Variants in XRCC4 observed in about 807,000 individuals in gnomAD.
XRCC4 encodes X-ray repair cross complementing 4, also known as DNA repair protein XRCC4.
XRCC4 carries 28 observed loss-of-function variants against 39.1 expected under a neutral mutation model. The ratio of observed to expected loss-of-function variants is 0.72; its 90% CI spans 0.53 to 0.98. The LOEUF is 0.98. Ranked by LOEUF, XRCC4 falls within the 50% of genes least tolerant of loss-of-function variation. The probability of loss-of-function intolerance (pLI) is 0.00; values close to 1 mark genes in which losing one functional copy is unlikely to be tolerated. For synonymous variants in XRCC4, 123 were observed against 126.4 expected (o/e 0.97, Z 0.18); for missense variants, 350 against 376.4 (o/e 0.93, Z 0.58).
chr5:83,184,905 A>C (rs1750367821), intron 3 of XRCC4, among the ~76,000 whole-genome samples: 1 of 152,054 alleles, frequency 6.6e-6, no homozygotes, highest in African/African-American at 2.4e-5. Flanking sequence ...AAAACCCTTC[A>C]CCAGTCATCT....
At chr5:83,357,849 A>AT (rs1346841309), downstream of XRCC4, among the ~76,000 whole-genome samples, 2 of 152,206 alleles carry the variant, frequency 1.3e-5, no homozygotes, top group Non-Finnish European at 2.9e-5. Context: ...TTGCCTTTTC[A>AT]TGTCTCTGTC....
chr5:83,204,896 A>G lies in XRCC4; in HGVS notation c.720A>G (p.Gln240=). The part of the protein sequence containing the change: ...DESTDEESEN[Q]TDLSGLASAA... ...GTACTGATGAGGAAAGTGAAAACCAAACTGATCTCTCTGGGTTGGCTTCAG... is the reference window on the plus strand; with the variant it reads ...GTACTGATGAGGAAAGTGAAAACCAGACTGATCTCTCTGGGTTGGCTTCAG... Residue 240 remains glutamine, a synonymous_variant, in exon 6 of 8, where the codon CAA becomes CAG. Transcript: ENST00000396027. The G allele has an allele frequency of 6.2e-7, 1 of 1,612,146 alleles. No individual in the cohort carries two copies. Among genetic ancestry groups the G allele is most frequent in the Non-Finnish European group, 8.5e-7 (1 of 1,178,624 alleles).
At chr5:83,299,178 G>A (rs1300111530) in intron 7 of XRCC4, among the ~76,000 whole-genome samples, 1 of 151,812 alleles carries the variant, frequency 6.6e-6, no homozygotes, top group Non-Finnish European at 1.5e-5. Context: ...TTTGATTTTT[G>A]GAAAAAATTC....
chr5:83,271,070 C>T (rs1754131333), intron 7 of XRCC4, among the ~76,000 whole-genome samples: 1 of 152,120 alleles, frequency 6.6e-6, no homozygotes, highest in South Asian at 2.1e-4. Context: ...CTTTCACAGG[C>T]ACCATGAACC....
At chr5:83,086,298 C>T (rs1318352525) in intron 1 of XRCC4, among the ~76,000 whole-genome samples, 1 of 152,182 alleles carries the variant, frequency 6.6e-6, no homozygotes, top group African/African-American at 2.4e-5. Context: ...CCATGTATAA[C>T]TTTTGGCTCC....
intron 6 of XRCC4, among the ~76,000 whole-genome samples, chr5:83,234,651 T>G (rs942826209): frequency 6.6e-6 from 1 of 152,180 alleles, no homozygotes; most frequent in African/African-American, 2.4e-5. Flanking sequence ...AGGAAACTTA[T>G]GCTGGTTATG....
At chr5:83,086,656 C>T (rs1466596690) in intron 1 of XRCC4, among the ~76,000 whole-genome samples, 4 of 152,058 alleles carry the variant, frequency 2.6e-5, no homozygotes, top group Non-Finnish European at 5.9e-5. Context: ...GAGAGGTGGA[C>T]ACAGTTGGTG....
intron 7 of XRCC4, among the ~76,000 whole-genome samples, chr5:83,269,084 A>G (rs971485886): frequency 6.6e-6 from 1 of 152,196 alleles, no homozygotes; most frequent in African/African-American, 2.4e-5. Flanking sequence ...CTGAATAATA[A>G]GATGGTCTTT....
intron 6 of XRCC4, among the ~76,000 whole-genome samples, chr5:83,252,958 A>G (rs1021605632): frequency 6.6e-6 from 1 of 152,228 alleles, no homozygotes; most frequent in Non-Finnish European, 1.5e-5. Context: ...TGGAGAAACA[A>G]GAGATAAACA....
At chr5:83,131,132 T>G (rs533320353) in intron 3 of XRCC4, among the ~76,000 whole-genome samples, 3 of 152,252 alleles carry the variant, frequency 2.0e-5, no homozygotes, top group South Asian at 2.1e-4. Context: ...CCTCTACACA[T>G]TACTTTAAAT....
chr5:83,337,435 A>G (rs1258682092), intron 7 of XRCC4, among the ~76,000 whole-genome samples: 2 of 152,130 alleles, frequency 1.3e-5, no homozygotes, highest in Admixed American at 1.3e-4. Flanking sequence ...AGAAAGGGCA[A>G]CTTTGTGCTT....
intron 6 of XRCC4, among the ~76,000 whole-genome samples, chr5:83,214,064 A>G (rs1257660250): frequency 1.3e-5 from 2 of 152,192 alleles, no homozygotes; most frequent in Admixed American, 6.5e-5. Context: ...TCCTTAACCT[A>G]ATAAAGGCAT....
intron 3 of XRCC4, among the ~76,000 whole-genome samples, chr5:83,121,761 A>G (rs554860498): frequency 6.6e-6 from 1 of 152,226 alleles, no homozygotes; most frequent in East Asian, 1.9e-4. Flanking sequence ...ATCACTTCTA[A>G]TGCATTTTTG....
At chr5:83,270,783 ATATG>A (rs200468208) in intron 7 of XRCC4, among the ~76,000 whole-genome samples, 14 of 68,650 alleles carry the variant, frequency 2.0e-4, no homozygotes, top group African/African-American at 9.8e-4. Context: ...ATACATATAT[ATATG>A]TATATATTTT....
At chr5:83,108,649 T>TAGATG (rs1746308654) in intron 2 of XRCC4, among the ~76,000 whole-genome samples, 1 of 151,850 alleles carries the variant, frequency 6.6e-6, no homozygotes, top group Non-Finnish European at 1.5e-5. Context: ...GCTTTTTAAA[T>TAGATG]AGATGTTCTC....
chr5:83,324,439 T>C (rs969645147), intron 7 of XRCC4, among the ~76,000 whole-genome samples: 34 of 152,250 alleles, frequency 2.2e-4, no homozygotes, highest in African/African-American at 7.7e-4. Context: ...AACTCTTCTA[T>C]TGATCAAACA....
intron 3 of XRCC4, among the ~76,000 whole-genome samples, chr5:83,125,456 G>A (rs1747212525): frequency 6.6e-6 from 1 of 152,036 alleles, no homozygotes; most frequent in African/African-American, 2.4e-5. Context: ...ATTCCTTTTT[G>A]TATAAAGTAT....
chr5:83,155,076 C>T (rs1409795505), intron 3 of XRCC4, among the ~76,000 whole-genome samples: 1 of 152,062 alleles, frequency 6.6e-6, no homozygotes, highest in Non-Finnish European at 1.5e-5. Context: ...GGGGCTGGGG[C>T]AGGAGAAAGA....
chr5:83,351,024 G>T (rs1757065325), intron 7 of XRCC4, among the ~76,000 whole-genome samples: 1 of 152,174 alleles, frequency 6.6e-6, no homozygotes, highest in Non-Finnish European at 1.5e-5. Context: ...CAATCTTGAA[G>T]AAGGGGCCTG....
Sources: gnomAD v4.1 joint callset for allele counts (sites outside exome capture counted in the v4.1 genomes callset) on GRCh38, gnomAD v4.1.1 for gene constraint, MANE v1.5 for transcripts, NCBI Gene and HGNC (gene_info 2026-07-23, HGNC 2026-07-21) for gene names.